CUX1: variants seen among roughly 807,000 people sequenced by gnomAD.
The protein encoded by CUX1 is cut like homeobox 1, also known as protein CASP.
In CUX1, 31 loss-of-function variants were observed where a neutral mutation model predicts 158.8. That is an observed-to-expected ratio of 0.20 (90% CI 0.15 to 0.26). The LOEUF (loss-of-function observed/expected upper bound fraction) is 0.26, where lower values mean the gene tolerates loss of function less well. CUX1 is among the 10% of genes least tolerant of loss of function. The pLI is 1.00. For missense variants in CUX1, 1,589 were observed against 2,014.6 expected, an observed-to-expected ratio of 0.79 and a Z score of 4.04; for synonymous variants, 879 against 862.1, an observed-to-expected ratio of 1.02 and a Z score of -0.34.
chr7:102,246,784 G>A (rs1448719795), intron 23 of CUX1, among the ~76,000 whole-genome samples: 1 of 152,128 alleles, frequency 6.6e-6, no homozygotes, highest in Admixed American at 6.5e-5. Flanking sequence ...TGGCCGGGCT[G>A]GTCTCGAACG....
chr7:102,270,624 A>G (rs530454342), intron 14 of CUX1, among the ~76,000 whole-genome samples: 42 of 152,140 alleles, frequency 2.8e-4, no homozygotes, highest in African/African-American at 9.6e-4. Context: ...CTGTGCTCCT[A>G]TCACCCCAAG....
chr7:102,029,651 A>C (rs1293412619), intron 3 of CUX1, among the ~76,000 whole-genome samples: 1 of 152,196 alleles, frequency 6.6e-6, no homozygotes, highest in Non-Finnish European at 1.5e-5. Flanking sequence ...TTTCGAGGGC[A>C]GAACAGTACC....
At chr7:102,268,023 C>T (rs924083187) in intron 14 of CUX1, among the ~76,000 whole-genome samples, 1 of 152,076 alleles carries the variant, frequency 6.6e-6, no homozygotes, top group Admixed American at 6.6e-5. Context: ...CTGTGAGGTG[C>T]CCCCTCTAGG....
intron 1 of CUX1, among the ~76,000 whole-genome samples, chr7:101,838,897 C>T (rs1794913876): frequency 6.6e-6 from 1 of 152,130 alleles, no homozygotes; most frequent in African/African-American, 2.4e-5. Flanking sequence ...CACATATTTA[C>T]ACAACACATA....
Position 102,200,083 on chromosome 7 carries a change from C to G in CUX1, c.1973C>G (p.Thr658Ser). 6.2e-7 allele frequency: 1 copy of G among 1,612,134 alleles called. No homozygotes were observed. Among genetic ancestry groups the G allele is most frequent in the Non-Finnish European group, 8.5e-7 (1 of 1,179,172 alleles). The change falls in exon 17 of 24, where the codon ACC becomes AGC. Residue 658 changes from threonine (T) to serine (S), a missense_variant. Transcript: ENST00000292535. ...CTTCTCCCCACAGGTAACATCACCA[C>G]CCGGATCCGAGCCTCGGAGACTGGC... ...RRNGSEGNIT[T>S]RIRASETGSD...
chr7:102,002,976 A>C (rs1400566826), intron 2 of CUX1, among the ~76,000 whole-genome samples: 4 of 151,902 alleles, frequency 2.6e-5, no homozygotes, highest in Non-Finnish European at 4.4e-5. Flanking sequence ...ATCTCGGCTC[A>C]CTGCAACCTC....
At chr7:101,923,645 G>A (rs1409536806) in intron 2 of CUX1, among the ~76,000 whole-genome samples, 1 of 152,184 alleles carries the variant, frequency 6.6e-6, no homozygotes, top group African/African-American at 2.4e-5. Flanking sequence ...TTGATCTCTG[G>A]AACGTTAATC....
intron 20 of CUX1, among the ~76,000 whole-genome samples, chr7:102,216,520 A>ACG (rs1797068496): frequency 1.3e-5 from 1 of 76,324 alleles, no homozygotes; most frequent in Non-Finnish European, 2.6e-5. Context: ...GCGCGCACAC[A>ACG]CACACTCTCC....
At chr7:102,200,922 C>T (rs1300951536) in intron 17 of CUX1, among the ~76,000 whole-genome samples, 4 of 144,428 alleles carry the variant, frequency 2.8e-5, no homozygotes, top group African/African-American at 1.0e-4. Flanking sequence ...ACTTGGGAGG[C>T]TGAGCTGGGA....
At chr7:102,165,344 G>A (rs905893658) in intron 9 of CUX1, among the ~76,000 whole-genome samples, 2 of 148,426 alleles carry the variant, frequency 1.3e-5, no homozygotes, top group East Asian at 3.9e-4. Flanking sequence ...TGCGGTTAGG[G>A]GAAAGCTTTT....
chr7:102,245,207 T>TA (rs1554536487), intron 23 of CUX1, among the ~76,000 whole-genome samples: 2 of 152,112 alleles, frequency 1.3e-5, no homozygotes, highest in African/African-American at 4.8e-5. Context: ...CACACCTGGC[T>TA]AATTTTTTGT....
chr7:102,231,784 G>A (rs906800910), intron 21 of CUX1, among the ~76,000 whole-genome samples: 1 of 150,776 alleles, frequency 6.6e-6, no homozygotes, highest in African/African-American at 2.4e-5. Context: ...CACGATCTCG[G>A]CTCACTGCAA....
intron 1 of CUX1, among the ~76,000 whole-genome samples, chr7:101,881,049 C>T (rs1200827761): frequency 3.3e-5 from 5 of 151,886 alleles, no homozygotes; most frequent in African/African-American, 1.2e-4. Flanking sequence ...GTAGGGGAAA[C>T]GGGGGCTGAG....
At chr7:101,829,080 CG>C (rs1157161082) in intron 1 of CUX1, among the ~76,000 whole-genome samples, 2 of 151,964 alleles carry the variant, frequency 1.3e-5, no homozygotes, top group Non-Finnish European at 2.9e-5. Flanking sequence ...GTTTGAAGCC[CG>C]GGGAGGATTT....
At chr7:101,899,042 C>T (rs565241750) in intron 1 of CUX1, among the ~76,000 whole-genome samples, 49 of 152,318 alleles carry the variant, frequency 3.2e-4, no homozygotes, top group African/African-American at 1.1e-3. Flanking sequence ...GATGGAACCT[C>T]GTGGGCAGAG....
chr7:101,821,668 TTTC>T, intron 1 of CUX1, among the ~76,000 whole-genome samples: 1 of 120,410 alleles, frequency 8.3e-6, no homozygotes, highest in Non-Finnish European at 1.6e-5. Context: ...TTTTTTCTTT[TTTC>T]TTTTTTTTTT....
intron 11 of CUX1, among the ~76,000 whole-genome samples, chr7:102,182,728 G>A (rs1354544942): frequency 6.6e-6 from 1 of 152,202 alleles, no homozygotes; most frequent in Non-Finnish European, 1.5e-5. Context: ...GCTGCTTTTT[G>A]ATAACTCTCT....
At chr7:101,923,227 G>A (rs571550745) in intron 2 of CUX1, among the ~76,000 whole-genome samples, 2 of 152,138 alleles carry the variant, frequency 1.3e-5, no homozygotes, top group East Asian at 3.9e-4. Context: ...CTGCGACATC[G>A]GCCTGGCTTC....
chr7:102,001,980 TAGAGAACTG>T, intron 2 of CUX1, among the ~76,000 whole-genome samples: 2 of 152,148 alleles, frequency 1.3e-5, no homozygotes, highest in African/African-American at 2.4e-5. Context: ...AAAAGGTGTT[TAGAGAACTG>T]TTCTATGTAA....
Sources: gnomAD v4.1 joint callset for allele counts (sites outside exome capture counted in the v4.1 genomes callset) on GRCh38, gnomAD v4.1.1 for gene constraint, MANE v1.5 for transcripts, NCBI Gene and HGNC (gene_info 2026-07-23, HGNC 2026-07-21) for gene names.